Variants in TMEM71 observed in about 807,000 individuals in gnomAD.
TMEM71 encodes transmembrane protein 71.
In TMEM71, 44 loss-of-function variants were observed where a neutral mutation model predicts 38.0. The ratio of observed to expected loss-of-function variants is 1.16; its 90% CI spans 0.91 to 1.49. TMEM71 has a LOEUF of 1.49. Among genes scored for constraint, TMEM71 ranks in the 40% most tolerant of loss-of-function variants. The pLI is 0.00. For synonymous variants in TMEM71, 133 were observed against 122.5 expected, an observed-to-expected ratio of 1.09 and a Z score of -0.56; for missense variants, 367 against 348.6, an observed-to-expected ratio of 1.05 and a Z score of -0.42.
chr8:132,729,893 C>T (rs558578580), intron 5 of TMEM71, among the ~76,000 whole-genome samples: 1 of 152,176 alleles, frequency 6.6e-6, no homozygotes, highest in Non-Finnish European at 1.5e-5. Context: ...TCTGTTTTGG[C>T]CTATGTAGTG....
chr8:132,763,030 G>T (rs1411381162), upstream of TMEM71, among the ~76,000 whole-genome samples: 2 of 152,096 alleles, frequency 1.3e-5, no homozygotes, highest in African/African-American at 4.8e-5. Flanking sequence ...TCTTCTTCTT[G>T]TTTCTCATAC....
At chr8:132,715,409 C>CAAAAAAAAAAAAAAAAAAA (rs975995287) in intron 7 of TMEM71, among the ~76,000 whole-genome samples, 23 of 21,564 alleles carry the variant, frequency 1.1e-3, no homozygotes, top group Non-Finnish European at 1.4e-3. Context: ...GACTCCGTCT[C>CAAAAAAAAAAAAAAAAAAA]AAAAAAAAAA....
intron 7 of TMEM71, among the ~76,000 whole-genome samples, chr8:132,714,529 T>G (rs1198060127): frequency 6.6e-6 from 1 of 152,198 alleles, no homozygotes; most frequent in Admixed American, 6.5e-5. Flanking sequence ...AACCTCCACA[T>G]GTATAACATA....
intron 9 of TMEM71, among the ~76,000 whole-genome samples, chr8:132,713,645 T>C (rs1826353681): frequency 6.6e-6 from 1 of 152,236 alleles, no homozygotes; most frequent in Non-Finnish European, 1.5e-5. Context: ...GATCATTTCA[T>C]GGGCAGTTTG....
In TMEM71 at chr8:132,721,267, A is replaced by C. The variant is rs150756924; in HGVS notation, c.752+773T>G. On this transcript the variant is annotated intron_variant, in intron 7 of 9. Coordinates refer to ENST00000677595, the MANE Select transcript of TMEM71 (RefSeq NM_001382403.1). ...GGAAAACAAGGCAGAGGAAGAACAT[A>C]CAGGTCAGAGGGTAGAGAACAAACA... Among the ~76,000 whole-genome samples the C allele has an allele frequency of 2.3e-3, 357 of 152,300 alleles. 2 individuals carry two copies. The highest frequency in any genetic ancestry group is 8.3e-3 in the African/African-American group (343 of 41,560).
chr8:132,739,172 G>C (rs1434325997), intron 5 of TMEM71, among the ~76,000 whole-genome samples: 5 of 152,170 alleles, frequency 3.3e-5, no homozygotes, highest in African/African-American at 1.2e-4. Context: ...GACTCCTCTA[G>C]CTTGCTCTTT....
chr8:132,773,984 A>T, the TMEM71 span, among the ~76,000 whole-genome samples: 1 of 152,336 alleles, frequency 6.6e-6, no homozygotes, highest in South Asian at 2.1e-4. Context: ...GTTCATCATA[A>T]TCTGTCTAGA....
chr8:132,746,506 T>A lies in TMEM71; in HGVS notation c.487+436A>T, dbSNP rs1016373287. On this transcript the variant is annotated intron_variant, in intron 5 of 9. Coordinates refer to ENST00000677595, the MANE Select transcript of TMEM71 (RefSeq NM_001382403.1). ...ATATATACATATATATACATATATA[T>A]GTATATATATATGGTTTTATGAAGA... Among the ~76,000 whole-genome samples the A allele has an allele frequency of 1.0e-3, 146 of 140,578 alleles. 1 individual carries two copies. The highest frequency in any genetic ancestry group is 3.6e-3 in the Middle Eastern group (1 of 276). 92.2% of individuals were successfully genotyped at this position (140,578 alleles called of 152,430 possible).
chr8:132,758,673 A>T, intron 2 of TMEM71, 167 bp downstream of exon 2: 2 of 601,310 alleles, frequency 3.3e-6, no homozygotes, highest in Non-Finnish European at 5.9e-6. Flanking sequence ...TTCAAGGAAA[A>T]AAATGAAGTT....
At chr8:132,748,182 T>A (rs1027899141) in intron 4 of TMEM71, among the ~76,000 whole-genome samples, 1 of 152,256 alleles carries the variant, frequency 6.6e-6, no homozygotes, top group African/African-American at 2.4e-5. Context: ...CACAAAATTC[T>A]GCTCTTTAGC....
At chr8:132,736,044 G>C (rs971730555) in intron 5 of TMEM71, among the ~76,000 whole-genome samples, 1 of 152,330 alleles carries the variant, frequency 6.6e-6, no homozygotes, top group Non-Finnish European at 1.5e-5. Context: ...TAAAACCAAA[G>C]AGATTGTAGC....
intron 5 of TMEM71, among the ~76,000 whole-genome samples, chr8:132,744,005 T>A (rs943970714): frequency 6.6e-6 from 1 of 152,252 alleles, no homozygotes. Context: ...TGAGTCGAAT[T>A]CCCCATTATA....
intron 3 of TMEM71, among the ~76,000 whole-genome samples, chr8:132,755,485 A>G (rs1176849813): frequency 6.6e-6 from 1 of 152,198 alleles, no homozygotes; most frequent in Non-Finnish European, 1.5e-5. Flanking sequence ...CCAACTGCCC[A>G]AAGACAAAGC....
At position 132,747,063 on chromosome 8, in the gene TMEM71, G is replaced by A; in HGVS notation, c.366C>T (p.Asn122=). The change falls in exon 5 of 10, where the codon AAC becomes AAT. Residue 122 remains asparagine, a synonymous_variant. Coordinates refer to ENST00000677595, the MANE Select transcript of TMEM71 (RefSeq NM_001382403.1). The part of the protein sequence containing the change: ...RICHSFSSLF[N]LSTSKSWLHG... The stretch of plus-strand genomic sequence containing the variant: ...GCAGCCAAGATTTGGAGGTACTGAG[G>A]TTGAAGAGAGAAGAAAAGGAATGGC... 1 of 1,613,052 alleles carries A rather than the reference G, an allele frequency of 6.2e-7. No individual in the cohort carries two copies. Among genetic ancestry groups the A allele is most frequent in the Non-Finnish European group, 8.5e-7 (1 of 1,179,680 alleles).
intron 5 of TMEM71, among the ~76,000 whole-genome samples, chr8:132,738,998 A>AT (rs1336677340): frequency 3.3e-5 from 5 of 152,214 alleles, no homozygotes; most frequent in African/African-American, 1.2e-4. Flanking sequence ...TGGGTGAAGC[A>AT]TACACTGACC....
chr8:132,749,187 C>T (rs552384981), intron 4 of TMEM71, among the ~76,000 whole-genome samples: 25 of 152,118 alleles, frequency 1.6e-4, no homozygotes, highest in African/African-American at 6.0e-4. Context: ...CTTGCAATAG[C>T]CTGGCCTGGG....
intron 5 of TMEM71, among the ~76,000 whole-genome samples, chr8:132,736,836 A>C (rs1431704641): frequency 6.6e-6 from 1 of 152,154 alleles, no homozygotes; most frequent in Non-Finnish European, 1.5e-5. Flanking sequence ...GTCTCAAAAA[A>C]AAAAAAAATT....
At chr8:132,753,634 A>G (rs991495684) in intron 3 of TMEM71, among the ~76,000 whole-genome samples, 3 of 152,190 alleles carry the variant, frequency 2.0e-5, no homozygotes, top group African/African-American at 7.2e-5. Context: ...GGACTGCAGC[A>G]TAGTGGACAA....
intron 5 of TMEM71, among the ~76,000 whole-genome samples, chr8:132,728,344 AAG>A (rs1345605175): frequency 1.3e-5 from 2 of 152,168 alleles, no homozygotes; most frequent in Non-Finnish European, 2.9e-5. Context: ...AAGAGAGAAT[AAG>A]AGTCAAGTGA....
Sources: gnomAD v4.1 joint callset for allele counts (sites outside exome capture counted in the v4.1 genomes callset) on GRCh38, gnomAD v4.1.1 for gene constraint, MANE v1.5 for transcripts, NCBI Gene and HGNC (gene_info 2026-07-23, HGNC 2026-07-21) for gene names.